The following CCDC178 variants were observed in gnomAD, a reference collection of about 807,000 sequenced individuals.
The protein encoded by CCDC178 is coiled-coil domain-containing protein 178.
A neutral mutation model predicts 117.4 loss-of-function variants in CCDC178; 126 were observed. That is an observed-to-expected ratio of 1.07 (90% CI 0.93 to 1.24). The LOEUF is 1.24. Among genes scored for constraint, CCDC178 ranks in the 50% most tolerant of loss-of-function variants. CCDC178 has a pLI of 0.00. For missense variants in CCDC178, 1,030 were observed against 986.9 expected (o/e 1.04, Z -0.59); for synonymous variants, 283 against 313.4 (o/e 0.90, Z 1.02).
intron 20 of CCDC178, among the ~76,000 whole-genome samples, chr18:33,173,550 T>C (rs2058629698): frequency 6.6e-6 from 1 of 152,208 alleles, no homozygotes; most frequent in Non-Finnish European, 1.5e-5. Context: ...GTTATGCTTT[T>C]TTCCTTAAAG....
intron 6 of CCDC178, 124 bp from the exon 7 acceptor site, chr18:33,356,470 T>C (rs1003269083): frequency 9.8e-7 from 1 of 1,025,514 alleles, no homozygotes; most frequent in Admixed American, 3.9e-5. Context: ...TTTTGTGTAC[T>C]TATACTCTCG....
intron 5 of CCDC178, among the ~76,000 whole-genome samples, chr18:33,385,617 G>A (rs2063483719): frequency 6.6e-6 from 1 of 152,150 alleles, no homozygotes; most frequent in African/African-American, 2.4e-5. Flanking sequence ...TGACTCCGGA[G>A]TAAATAATGA....
At chr18:33,124,816 G>A (rs2057983709) in intron 20 of CCDC178, among the ~76,000 whole-genome samples, 1 of 152,186 alleles carries the variant, frequency 6.6e-6, no homozygotes, top group African/African-American at 2.4e-5. Context: ...TATCAAAATA[G>A]CAGTAGCGTT....
rs907826588 is a variant in CCDC178 at position 33,218,027 on chromosome 18, C to A, written c.1933-2332G>T. On this transcript the variant is annotated intron_variant, in intron 18 of 22. Transcript: ENST00000383096. ...TCTGTGCACTTAAAACAATGCCTGA[C>A]ACACATAAAACATGCAGCAAATATC... Among the ~76,000 whole-genome samples the A allele has an allele frequency of 2.6e-5, 4 of 152,184 alleles. No homozygotes were observed. The South Asian group carries it at 8.3e-4, about 32-fold the overall frequency.
At chr18:33,383,330 A>C (rs78753783) in intron 5 of CCDC178, among the ~76,000 whole-genome samples, 2,782 of 152,188 alleles carry the variant, frequency 0.018, 85 homozygotes, top group African/African-American at 0.063. Flanking sequence ...GATCCTGACA[A>C]GGGGGATTCC....
At chr18:33,366,204 C>G (rs551931968) in intron 6 of CCDC178, among the ~76,000 whole-genome samples, 1 of 151,976 alleles carries the variant, frequency 6.6e-6, no homozygotes, top group Non-Finnish European at 1.5e-5. Flanking sequence ...GTAGCTCATG[C>G]CTGTAATCCT....
At chr18:32,953,303 C>T (rs1156819561) in intron 22 of CCDC178, among the ~76,000 whole-genome samples, 1 of 152,334 alleles carries the variant, frequency 6.6e-6, no homozygotes, top group South Asian at 2.1e-4. Context: ...ACTTCATTGT[C>T]TATATCATTA....
chr18:32,949,856 T>C lies in CCDC178; in HGVS notation c.2524-11765A>G, dbSNP rs186031658. Among the ~76,000 whole-genome samples the C allele has an allele frequency of 2.1e-3, 325 of 152,250 alleles. 1 individual carries two copies. Among genetic ancestry groups the C allele is most frequent in the African/African-American group, 7.3e-3 (303 of 41,562 alleles). On this transcript the variant is annotated intron_variant, in intron 22 of 22. Transcript: ENST00000383096. ...CCTATATATATAGTTTTCAGATTTG[T>C]TGTGGCATGCAGTGAGGTTACTTGA...
chr18:33,412,172 T>C, intron 2 of CCDC178, 62 bp from the exon 3 acceptor site: 1 of 668,230 alleles, frequency 1.5e-6, no homozygotes, highest in Non-Finnish European at 2.5e-6. Context: ...TTAATTTTAC[T>C]AAAAATTGTC....
At chr18:33,431,369 TAAC>T (rs972673087) in intron 2 of CCDC178, among the ~76,000 whole-genome samples, 1 of 151,842 alleles carries the variant, frequency 6.6e-6, no homozygotes, top group African/African-American at 2.4e-5. Flanking sequence ...ATAAACATAA[TAAC>T]AATTTTTTAA....
chr18:33,220,264 T>C (rs1334590713), intron 18 of CCDC178, among the ~76,000 whole-genome samples: 1 of 152,092 alleles, frequency 6.6e-6, no homozygotes, highest in African/African-American at 2.4e-5. Flanking sequence ...CACCGATTAC[T>C]GTACTATGCA....
At chr18:33,208,426 CTG>C (rs2059070782) in intron 20 of CCDC178, among the ~76,000 whole-genome samples, 1 of 151,982 alleles carries the variant, frequency 6.6e-6, no homozygotes, top group Non-Finnish European at 1.5e-5. Flanking sequence ...CCACAATTTA[CTG>C]TTTGTAATTT....
At chr18:33,178,178 T>G (rs1419508010) in intron 20 of CCDC178, among the ~76,000 whole-genome samples, 1 of 152,066 alleles carries the variant, frequency 6.6e-6, no homozygotes, top group Non-Finnish European at 1.5e-5. Context: ...TAATCCCCTC[T>G]CCGTCACAGG....
intron 22 of CCDC178, among the ~76,000 whole-genome samples, chr18:32,959,190 G>C (rs978387281): frequency 3.3e-5 from 5 of 152,138 alleles, no homozygotes; most frequent in Non-Finnish European, 7.4e-5. Context: ...TGCCAACTGA[G>C]GGATCTGCAG....
At chr18:33,019,165 G>A (rs944658627) in intron 21 of CCDC178, among the ~76,000 whole-genome samples, 28 of 152,012 alleles carry the variant, frequency 1.8e-4, no homozygotes, top group Non-Finnish European at 1.6e-4. Context: ...CCTGGAAATC[G>A]GCACTGTAAG....
chr18:32,966,805 A>T (rs1378323467), intron 22 of CCDC178, among the ~76,000 whole-genome samples: 1 of 151,864 alleles, frequency 6.6e-6, no homozygotes, highest in African/African-American at 2.4e-5. Flanking sequence ...CTTCTCATCC[A>T]TGCAAATGAT....
intron 10 of CCDC178, among the ~76,000 whole-genome samples, chr18:33,327,081 A>T (rs2062594250): frequency 6.6e-6 from 1 of 152,200 alleles, no homozygotes; most frequent in Non-Finnish European, 1.5e-5. Context: ...TTAAAACTTT[A>T]TTACAAACAA....
intron 22 of CCDC178, among the ~76,000 whole-genome samples, chr18:32,960,595 T>TA (rs962695756): frequency 2.6e-5 from 4 of 152,116 alleles, no homozygotes; most frequent in African/African-American, 9.7e-5. Flanking sequence ...TAGGTGCTAA[T>TA]TAAGCAATAA....
intron 22 of CCDC178, among the ~76,000 whole-genome samples, chr18:32,956,050 T>C (rs185154906): frequency 6.6e-6 from 1 of 152,336 alleles, no homozygotes; most frequent in East Asian, 1.9e-4. Flanking sequence ...TTTTTCATTT[T>C]GTTTTGCCTG....
Sources: allele counts gnomAD v4.1 joint callset (sites outside exome capture counted in the v4.1 genomes callset), GRCh38; gene constraint gnomAD v4.1.1; transcripts MANE v1.5; gene names NCBI Gene and HGNC (gene_info 2026-07-23, HGNC 2026-07-21).